The following PTPRD variants were observed in gnomAD, a reference collection of about 807,000 sequenced individuals.
PTPRD encodes the protein receptor-type tyrosine-protein phosphatase delta.
In PTPRD, 34 loss-of-function variants were observed where a neutral mutation model predicts 214.5. The observed-to-expected ratio is 0.16, with a 90% CI of 0.12 to 0.21. The LOEUF is 0.21. Among genes scored for constraint, PTPRD ranks in the 10% least tolerant of loss-of-function variants. The pLI is 1.00. For missense variants in PTPRD, 2,545 were observed against 2,398.7 expected (o/e 1.06, Z -1.27); for synonymous variants, 1,128 against 845.7 (o/e 1.33, Z -5.79).
chr9:9,657,211 T>C (rs1594437408), intron 7 of PTPRD, among the ~76,000 whole-genome samples: 1 of 152,122 alleles, frequency 6.6e-6, no homozygotes, highest in African/African-American at 2.4e-5. Flanking sequence ...TTATAAATTT[T>C]ATAGTAAAAA....
intron 2 of PTPRD, among the ~76,000 whole-genome samples, chr9:10,556,986 A>G (rs1476692281): frequency 6.6e-6 from 1 of 152,116 alleles, no homozygotes; most frequent in African/African-American, 2.4e-5. Flanking sequence ...GAAATTACGG[A>G]TATACCAGGT....
At chr9:9,857,690 G>A (rs892440266) in intron 5 of PTPRD, among the ~76,000 whole-genome samples, 1 of 152,156 alleles carries the variant, frequency 6.6e-6, no homozygotes, top group Admixed American at 6.5e-5. Context: ...GTTAAGTCAG[G>A]CAGCAGACAG....
chr9:8,734,844 C>T (rs577017249), intron 11 of PTPRD, among the ~76,000 whole-genome samples: 24 of 152,290 alleles, frequency 1.6e-4, no homozygotes, highest in African/African-American at 5.8e-4. Flanking sequence ...AAGATAGGAT[C>T]AAGACTGACA....
intron 11 of PTPRD, among the ~76,000 whole-genome samples, chr9:8,799,234 C>G (rs2096519772): frequency 6.6e-6 from 1 of 152,186 alleles, no homozygotes; most frequent in Non-Finnish European, 1.5e-5. Flanking sequence ...TGGTAGCAAT[C>G]ACTTCCCATG....
intron 8 of PTPRD, among the ~76,000 whole-genome samples, chr9:9,506,100 G>A (rs980272408): frequency 6.6e-6 from 1 of 151,364 alleles, no homozygotes; most frequent in Non-Finnish European, 1.5e-5. Flanking sequence ...TGGAAAACCA[G>A]GCTAAAAATA....
At chr9:10,007,450 G>A (rs932002280) in intron 4 of PTPRD, among the ~76,000 whole-genome samples, 4 of 151,964 alleles carry the variant, frequency 2.6e-5, no homozygotes, top group Non-Finnish European at 4.4e-5. Flanking sequence ...AATACGATAC[G>A]AAGAGGCGTT....
intron 12 of PTPRD, among the ~76,000 whole-genome samples, chr9:8,690,923 G>A (rs1375964343): frequency 6.6e-6 from 1 of 152,150 alleles, no homozygotes; most frequent in African/African-American, 2.4e-5. Flanking sequence ...TAATAATTAA[G>A]TGGAAAAATG....
intron 3 of PTPRD, among the ~76,000 whole-genome samples, chr9:10,229,454 A>C (rs989334992): frequency 1.3e-5 from 2 of 152,096 alleles, no homozygotes; most frequent in African/African-American, 2.4e-5. Flanking sequence ...AACCAACCCA[A>C]ATGTCCAACA....
At chr9:9,771,926 T>C (rs1415518807) in intron 5 of PTPRD, among the ~76,000 whole-genome samples, 1 of 152,184 alleles carries the variant, frequency 6.6e-6, no homozygotes, top group Non-Finnish European at 1.5e-5. Flanking sequence ...TAATAATTAG[T>C]GAATAAACAG....
At chr9:9,333,324 C>T (rs563169518) in intron 9 of PTPRD, among the ~76,000 whole-genome samples, 287 of 151,060 alleles carry the variant, frequency 1.9e-3, no homozygotes, top group Non-Finnish European at 2.7e-3. Context: ...TCTGTAAAGT[C>T]CATGGAGCAA....
intron 9 of PTPRD, among the ~76,000 whole-genome samples, chr9:9,329,908 A>G (rs1569567424): frequency 6.6e-6 from 1 of 152,188 alleles, no homozygotes; most frequent in African/African-American, 2.4e-5. Flanking sequence ...AGAAATTCCT[A>G]GGGCCCTACC....
intron 8 of PTPRD, among the ~76,000 whole-genome samples, chr9:9,451,298 T>C (rs999307117): frequency 3.3e-5 from 5 of 151,774 alleles, no homozygotes; most frequent in Non-Finnish European, 5.9e-5. Context: ...CACAAGGCTA[T>C]AGGAAAACAC....
intron 5 of PTPRD, among the ~76,000 whole-genome samples, chr9:9,904,718 A>G (rs2077156625): frequency 6.6e-6 from 1 of 152,084 alleles, no homozygotes; most frequent in Non-Finnish European, 1.5e-5. Flanking sequence ...AAAGACAGAG[A>G]ATAAAGCTTA....
chr9:10,373,202 C>T (rs140794182), intron 2 of PTPRD, among the ~76,000 whole-genome samples: 177 of 150,366 alleles, frequency 1.2e-3, no homozygotes, highest in African/African-American at 3.6e-3. Flanking sequence ...CATAATATAT[C>T]TAATGGGTTA....
At chr9:9,120,747 T>C (rs996762197) in intron 10 of PTPRD, among the ~76,000 whole-genome samples, 3 of 152,188 alleles carry the variant, frequency 2.0e-5, no homozygotes, top group African/African-American at 7.2e-5. Flanking sequence ...TCAGGTATTC[T>C]TTTATATAGC....
At chr9:8,573,800 T>G (rs2154240105) in intron 14 of PTPRD, among the ~76,000 whole-genome samples, 1 of 152,100 alleles carries the variant, frequency 6.6e-6, no homozygotes, top group South Asian at 2.1e-4. Context: ...TGCAGAACAT[T>G]TTGTAACCAG....
intron 9 of PTPRD, among the ~76,000 whole-genome samples, chr9:9,307,321 A>G (rs1420056815): frequency 1.3e-5 from 2 of 152,174 alleles, no homozygotes; most frequent in African/African-American, 2.4e-5. Flanking sequence ...CGTACCAGCA[A>G]TGCTTTCTTT....
chr9:9,247,559 G>A (rs369927592), intron 9 of PTPRD, among the ~76,000 whole-genome samples: 5 of 151,914 alleles, frequency 3.3e-5, no homozygotes, highest in East Asian at 1.9e-4. Context: ...AAATCAAAAC[G>A]AATTTAAAAT....
chr9:8,415,607 G>T (rs77845437), intron 35 of PTPRD, among the ~76,000 whole-genome samples: 2 of 151,830 alleles, frequency 1.3e-5, no homozygotes, highest in East Asian at 3.9e-4. Context: ...ACCATGATAC[G>T]TGTCTCCAAA....
Sources: gnomAD v4.1 joint callset for allele counts (sites outside exome capture counted in the v4.1 genomes callset) on GRCh38, gnomAD v4.1.1 for gene constraint, MANE v1.5 for transcripts, NCBI Gene and HGNC (gene_info 2026-07-23, HGNC 2026-07-21) for gene names.